TTC21B: variants seen among roughly 807,000 people sequenced by gnomAD.
The protein encoded by TTC21B is tetratricopeptide repeat domain 21B.
A neutral mutation model predicts 175.1 loss-of-function variants in TTC21B; 127 were observed. The observed-to-expected ratio is 0.73, with a 90% CI of 0.63 to 0.84. The LOEUF is 0.84. TTC21B is among the 40% of genes least tolerant of loss of function. TTC21B has a pLI of 0.00. For synonymous variants in TTC21B, 524 were observed against 524.5 expected (o/e 1.00, Z 0.01); for missense variants, 1,561 against 1,558.3 (o/e 1.00, Z -0.03).
chr2:165,893,593 C>G (rs1026289248), intron 22 of TTC21B, among the ~76,000 whole-genome samples: 1 of 152,052 alleles, frequency 6.6e-6, no homozygotes, highest in African/African-American at 2.4e-5. Context: ...TTCTAAAAAA[C>G]TTAGCTGGTC....
chr2:165,885,658 C>G (rs1014769913), intron 25 of TTC21B, among the ~76,000 whole-genome samples: 1 of 152,108 alleles, frequency 6.6e-6, no homozygotes, highest in African/African-American at 2.4e-5. Context: ...ATGAAAAGGT[C>G]CCACATTCCC....
intron 7 of TTC21B, 42 bp from the exon 8 acceptor site, chr2:165,931,898 T>G: frequency 7.5e-7 from 1 of 1,326,234 alleles, no homozygotes; most frequent in Non-Finnish European, 1.1e-6. Context: ...ATATACTAAG[T>G]AAAAACAACA....
rs896377996 is a variant in TTC21B, at chr2:165,890,748, C to T, written c.3101+90G>A. ...AACTGTTGAATTATTTTGAAATGTA[C>T]ATTTTTTTTTACTACAAAGAAAAGC... On this transcript the variant is annotated intron_variant, in intron 23 of 28. Coordinates refer to ENST00000243344, the MANE Select transcript of TTC21B (RefSeq NM_024753.5). 2.2e-5 allele frequency: 33 copies of T among 1,532,468 alleles called. No individual in the cohort carries two copies. The East Asian group carries it at 7.6e-4, about 35-fold the overall frequency. 94.9% of individuals were successfully genotyped at this position (1,532,468 alleles called of 1,614,324 possible). A position where few individuals can be genotyped will look rare whatever the true frequency, so the allele number is the denominator to read the frequency against.
intron 8 of TTC21B, among the ~76,000 whole-genome samples, chr2:165,930,732 GGT>G: frequency 0.045 from 5,043 of 110,950 alleles, 319 homozygotes; most frequent in African/African-American, 0.15. Context: ...TGGGTATGGG[GGT>G]GTGTGTGTGT....
At chr2:165,875,430 G>C (rs1179005141) in intron 28 of TTC21B, among the ~76,000 whole-genome samples, 2 of 152,064 alleles carry the variant, frequency 1.3e-5, no homozygotes, top group Non-Finnish European at 2.9e-5. Context: ...TGCTGTGTGG[G>C]ATAAGGGGCA....
chr2:165,906,466 T>C (rs1685737832), intron 19 of TTC21B, among the ~76,000 whole-genome samples: 1 of 152,042 alleles, frequency 6.6e-6, no homozygotes, highest in Admixed American at 6.6e-5. Flanking sequence ...TTCACTGCAT[T>C]TGTAGACATT....
chr2:165,936,112 G>A (rs751204252), intron 6 of TTC21B, among the ~76,000 whole-genome samples: 4 of 152,020 alleles, frequency 2.6e-5, no homozygotes, highest in Non-Finnish European at 4.4e-5. Flanking sequence ...ATTGGTGAAA[G>A]AACAAACAGG....
Position 165,923,650 on chromosome 2 carries a change from G to C in TTC21B, c.1516+899C>G, listed in dbSNP as rs1056454734. 3.3e-5 allele frequency among the ~76,000 whole-genome samples: 5 copies of C among 151,402 alleles called. No homozygotes were observed. In the East Asian group the frequency reaches 7.8e-4, roughly 24 times the overall value. ...GTAGAGACAGGATTTCACCATGTTA[G>C]CCAGGATGGTCTTGATCTCCTGACC... is the stretch of plus-strand genomic sequence containing the variant. On this transcript the variant is annotated intron_variant, in intron 12 of 28. Coordinates refer to ENST00000243344, the MANE Select transcript of TTC21B (RefSeq NM_024753.5).
chr2:165,895,071 G>T (rs551049341), intron 22 of TTC21B, among the ~76,000 whole-genome samples: 2 of 151,904 alleles, frequency 1.3e-5, no homozygotes, highest in East Asian at 3.9e-4. Flanking sequence ...TGGTGGTAGT[G>T]GGATGCAGAT....
rs1686833362 is a variant in TTC21B, at chr2:165,930,154, T to C, written c.1087+18A>G. On this transcript the variant is annotated intron_variant, in intron 9 of 28. Coordinates refer to ENST00000243344, the MANE Select transcript of TTC21B (RefSeq NM_024753.5). ...CTTGTATCTATATTATAAATATTTA[T>C]GAAAACAGTTGTCATACCAACTAGG... 1.9e-6 allele frequency: 3 copies of C among 1,607,514 alleles called. No individual in the cohort carries two copies. The highest frequency in any genetic ancestry group is 1.7e-6 in the Non-Finnish European group (2 of 1,174,624).
intron 13 of TTC21B, among the ~76,000 whole-genome samples, chr2:165,918,621 T>C (rs1039016739): frequency 6.6e-6 from 1 of 152,144 alleles, no homozygotes; most frequent in Admixed American, 6.5e-5. Flanking sequence ...TAGGATTCTC[T>C]AATTCACTGA....
At chr2:165,945,425 G>T in intron 4 of TTC21B, 99 bp downstream of exon 4, 1 of 1,153,934 alleles carries the variant, frequency 8.7e-7, no homozygotes, top group Non-Finnish European at 1.2e-6. Context: ...TGGCAATAGA[G>T]TGAACAATAA....
In TTC21B at chr2:165,929,156, A is replaced by T. The variant is rs764745947; in HGVS notation, c.1365T>A (p.Tyr455Ter). The change falls in exon 11 of 29, where the codon TAT becomes TAA. Residue 455 changes from tyrosine (Y) to a stop codon, truncating the protein, a stop_gained. Coordinates refer to ENST00000243344, the MANE Select transcript of TTC21B (RefSeq NM_024753.5). LOFTEE classifies it high-confidence loss of function. ...PDFLLEIVME[Y>*]LSFCPMQPAS... ...TTACCTGCATTGGACAGAAGCTCAG[A>T]TACTCCATAACAATTTCTAACAAGA... 4 of 1,612,864 alleles carry T rather than the reference A, an allele frequency of 2.5e-6. No individual in the cohort carries two copies. The South Asian group carries it at 3.3e-5, about 13-fold the overall frequency.
chr2:165,911,655 A>AATATAT (rs1192034254), intron 17 of TTC21B, among the ~76,000 whole-genome samples, 190 bp from the exon 18 acceptor site: 1 of 140,704 alleles, frequency 7.1e-6, no homozygotes, highest in African/African-American at 2.9e-5. Flanking sequence ...TGAAACAACT[A>AATATAT]ATATATATAT....
chr2:165,938,692 A>C (rs576430279), intron 6 of TTC21B, among the ~76,000 whole-genome samples: 1 of 152,104 alleles, frequency 6.6e-6, no homozygotes, highest in East Asian at 1.9e-4. Flanking sequence ...GAAAAAGAGA[A>C]GGGAAACAGG....
At chr2:165,900,938 G>A (rs1257733217) in intron 20 of TTC21B, among the ~76,000 whole-genome samples, 1 of 126,770 alleles carries the variant, frequency 7.9e-6, no homozygotes, top group Non-Finnish European at 1.6e-5. Flanking sequence ...GTATTGCTTT[G>A]TTACCCAGGC....
intron 21 of TTC21B, among the ~76,000 whole-genome samples, chr2:165,899,117 T>G (rs1685467408): frequency 6.6e-6 from 1 of 152,162 alleles, no homozygotes; most frequent in Non-Finnish European, 1.5e-5. Context: ...AAAATAATAA[T>G]GAGACGATTC....
At position 165,876,023 on chromosome 2, in the gene TTC21B, T is replaced by C. The variant is rs146074775; in HGVS notation, c.3873+142A>G. The C allele has an allele frequency of 2.1e-5, 13 of 617,300 alleles. No individual in the cohort carries two copies. In the East Asian group the frequency reaches 3.6e-4, roughly 17 times the overall value. 38.2% of individuals were successfully genotyped at this position (617,300 alleles called of 1,614,324 possible). ...ACATCATTTTCTAAATTTCGAACACTGATAATCTCCCTAAACATACTGATA... is the reference window on the plus strand; with the variant it reads ...ACATCATTTTCTAAATTTCGAACACCGATAATCTCCCTAAACATACTGATA... On this transcript the variant is annotated intron_variant, in intron 28 of 28. Coordinates refer to ENST00000243344, the MANE Select transcript of TTC21B (RefSeq NM_024753.5).
chr2:165,915,303 TTCTGAAG>T lies in TTC21B; in HGVS notation c.2029_2035del (p.Leu677MetfsTer10). On this transcript the variant is annotated frameshift_variant, in exon 15 of 29. Coordinates refer to ENST00000243344, the MANE Select transcript of TTC21B (RefSeq NM_024753.5). LOFTEE classifies it high-confidence loss of function. ...AAAATAAGGCTGTTCGGCTGTAACATTCTGAAGGATGCTTAAAGCCCGTTCAATATCT... is the reference window on the plus strand; with the variant it reads ...AAAATAAGGCTGTTCGGCTGTAACATGATGCTTAAAGCCCGTTCAATATCT... The T allele has an allele frequency of 6.2e-7, 1 of 1,614,146 alleles. No individual in the cohort carries two copies. Among genetic ancestry groups the T allele is most frequent in the South Asian group, 1.1e-5 (1 of 91,088 alleles).
Sources: allele counts gnomAD v4.1 joint callset (sites outside exome capture counted in the v4.1 genomes callset), GRCh38; gene constraint gnomAD v4.1.1; transcripts MANE v1.5; gene names NCBI Gene and HGNC (gene_info 2026-07-23, HGNC 2026-07-21).